CTNNA3: variants seen among roughly 807,000 people sequenced by gnomAD.
The protein encoded by CTNNA3 is catenin alpha-3.
CTNNA3 carries 76 observed loss-of-function variants against 95.7 expected under a neutral mutation model. The ratio of observed to expected loss-of-function variants is 0.79; its 90% CI spans 0.66 to 0.96. CTNNA3 has a LOEUF of 0.96. Among genes scored for constraint, CTNNA3 ranks in the 40% least tolerant of loss-of-function variants. CTNNA3 has a pLI of 0.00. For missense variants in CTNNA3, 1,191 were observed against 1,089.8 expected (o/e 1.09, Z -1.31); for synonymous variants, 431 against 374.4 (o/e 1.15, Z -1.74).
At position 66,072,486 on chromosome 10, in the gene CTNNA3, C is replaced by T. The variant is rs181654792; in HGVS notation, c.1978-2997G>A. Among the ~76,000 whole-genome samples, 388 of 150,668 alleles carry T rather than the reference C, an allele frequency of 2.6e-3. 6 individuals carry two copies. The highest frequency in any genetic ancestry group is 9.1e-3 in the African/African-American group (375 of 41,334). On this transcript the variant is annotated intron_variant, in intron 14 of 17. Transcript: ENST00000433211. The stretch of plus-strand genomic sequence containing the variant: ...TTAAGGCAGAGTCTTGCTCTGTCAC[C>T]CAGGCTGGAGTGCAGTGGCATGATC...
Position 66,111,171 on chromosome 10 carries a change from T to C in CTNNA3, c.1885-7922A>G, listed in dbSNP as rs185141504. On this transcript the variant is annotated intron_variant, in intron 13 of 17. Coordinates refer to ENST00000433211, the MANE Select transcript of CTNNA3 (RefSeq NM_013266.4). ...GATTTCCTCCTTGCTCTTCTCATGA[T>C]AGTGAGTGAGTTTCCATGAGATCTA... 7.9e-5 allele frequency among the ~76,000 whole-genome samples: 12 copies of C among 152,258 alleles called. 1 individual carries two copies. Among genetic ancestry groups the C allele is most frequent in the East Asian group, 3.9e-4 (2 of 5,162 alleles).
intron 13 of CTNNA3, among the ~76,000 whole-genome samples, chr10:66,176,825 C>T (rs1295443320): frequency 3.9e-5 from 6 of 152,028 alleles, no homozygotes; most frequent in Non-Finnish European, 8.8e-5. Flanking sequence ...ATAAGCTACA[C>T]GGTTTATGGC....
chr10:66,515,248 T>A (rs1412551481), intron 11 of CTNNA3, among the ~76,000 whole-genome samples: 1 of 149,334 alleles, frequency 6.7e-6, no homozygotes, highest in Non-Finnish European at 1.5e-5. Flanking sequence ...GAAATCTGTT[T>A]TGGACCCTTA....
chr10:67,238,163 A>G (rs768549988), intron 5 of CTNNA3, among the ~76,000 whole-genome samples: 96 of 152,184 alleles, frequency 6.3e-4, no homozygotes, highest in Non-Finnish European at 1.2e-3. Flanking sequence ...TCAGCACAAG[A>G]TCCAAATGAA....
intron 7 of CTNNA3, among the ~76,000 whole-genome samples, chr10:66,788,722 T>TA (rs369267875): frequency 1.6e-3 from 243 of 148,744 alleles, no homozygotes; most frequent in African/African-American, 5.1e-3. Context: ...CATTACAGGT[T>TA]AAAAAAAAAA....
chr10:66,370,730 G>A (rs1208154651), intron 12 of CTNNA3, among the ~76,000 whole-genome samples: 5 of 152,024 alleles, frequency 3.3e-5, no homozygotes, highest in Non-Finnish European at 5.9e-5. Flanking sequence ...TTTTTTGAGA[G>A]ACAGGGTCTC....
rs1243329899 is a variant in CTNNA3, at chr10:66,957,338, A to T, written c.1048-181814T>A. Among the ~76,000 whole-genome samples the T allele has an allele frequency of 4.0e-5, 6 of 150,372 alleles. No homozygotes were observed. In the Admixed American group the frequency reaches 4.0e-4, roughly 10 times the overall value. On this transcript the variant is annotated intron_variant, in intron 7 of 17. Coordinates refer to ENST00000433211, the MANE Select transcript of CTNNA3 (RefSeq NM_013266.4). ...TTATTCCACAGTAGAAATGAGAGACAAGTAAAAAATACTTTAGAAGAAATA... is the reference window on the plus strand; with the variant it reads ...TTATTCCACAGTAGAAATGAGAGACTAGTAAAAAATACTTTAGAAGAAATA...
At chr10:66,005,576 C>T (rs2078862123) in intron 15 of CTNNA3, among the ~76,000 whole-genome samples, 1 of 152,026 alleles carries the variant, frequency 6.6e-6, no homozygotes, top group Admixed American at 6.6e-5. Flanking sequence ...CCAGAATTAC[C>T]TGGGAAGACA....
chr10:67,695,974 C>T (rs1005527644), intron 1 of CTNNA3, 26 bp downstream of exon 1: 3 of 152,108 alleles, frequency 2.0e-5, no homozygotes, highest in Non-Finnish European at 2.9e-5. Context: ...AAGTTCAGCT[C>T]TTCTCTTTAC....
At chr10:67,169,618 C>G (rs529526736) in intron 7 of CTNNA3, among the ~76,000 whole-genome samples, 24 of 152,084 alleles carry the variant, frequency 1.6e-4, no homozygotes, top group Non-Finnish European at 2.8e-4. Context: ...ACACCATATA[C>G]AAAAATCAAG....
chr10:66,159,619 G>GT (rs1284826061), intron 13 of CTNNA3, among the ~76,000 whole-genome samples: 1 of 114,838 alleles, frequency 8.7e-6, no homozygotes, highest in Non-Finnish European at 1.9e-5. Context: ...TTAGTTTTTT[G>GT]TTTTCTGTTT....
intron 11 of CTNNA3, among the ~76,000 whole-genome samples, chr10:66,415,999 A>G (rs2093142849): frequency 6.6e-6 from 1 of 152,220 alleles, no homozygotes. Context: ...TAAAAATTCA[A>G]TTATTGATTC....
At chr10:66,772,963 C>G (rs1361701239) in intron 8 of CTNNA3, among the ~76,000 whole-genome samples, 2 of 152,150 alleles carry the variant, frequency 1.3e-5, no homozygotes, top group African/African-American at 4.8e-5. Context: ...AAGGGCAGTG[C>G]TTTCTCTTTC....
chr10:66,052,857 GAA>G (rs1236004175), intron 15 of CTNNA3, among the ~76,000 whole-genome samples: 2 of 152,022 alleles, frequency 1.3e-5, no homozygotes. Flanking sequence ...AGTTTGGAGA[GAA>G]TGACAAAATC....
chr10:66,464,575 C>T (rs1012944925), intron 11 of CTNNA3, among the ~76,000 whole-genome samples: 1 of 151,972 alleles, frequency 6.6e-6, no homozygotes, highest in Admixed American at 6.6e-5. Context: ...CCAGCCTGGC[C>T]AACATGGTGA....
At chr10:66,479,950 T>TCACACACACACACACA (rs71466882) in intron 11 of CTNNA3, among the ~76,000 whole-genome samples, 1,961 of 145,384 alleles carry the variant, frequency 0.013, 17 homozygotes, top group East Asian at 0.016. Flanking sequence ...ACCAAAGCAT[T>TCACACACACACACACA]CACACACACA....
In CTNNA3 at chr10:66,692,333, G is replaced by A. The variant is rs978797132; in HGVS notation, c.1282-70549C>T. Among the ~76,000 whole-genome samples, 22 of 152,114 alleles carry A rather than the reference G, an allele frequency of 1.4e-4. 1 individual carries two copies. The highest frequency in any genetic ancestry group is 1.9e-4 in the East Asian group (1 of 5,186). On this transcript the variant is annotated intron_variant, in intron 9 of 17. Transcript: ENST00000433211. ...TGAAGAATGCAGAAGCCTCAGAGCC[G>A]ATGTGATCAACTGGAAGAAAGGGTA...
chr10:66,342,354 G>GA (rs1037797501), intron 12 of CTNNA3, among the ~76,000 whole-genome samples: 41 of 152,074 alleles, frequency 2.7e-4, no homozygotes, highest in Middle Eastern at 6.8e-3. Context: ...TTGAGGACAT[G>GA]AAAAATACAT....
chr10:66,618,130 A>G (rs1844593726), intron 10 of CTNNA3, among the ~76,000 whole-genome samples: 1 of 152,152 alleles, frequency 6.6e-6, no homozygotes, highest in Admixed American at 6.5e-5. Context: ...AAAATGGCAT[A>G]CTGCCCAAGG....
Sources: allele counts gnomAD v4.1 joint callset (sites outside exome capture counted in the v4.1 genomes callset), GRCh38; gene constraint gnomAD v4.1.1; transcripts MANE v1.5; gene names NCBI Gene and HGNC (gene_info 2026-07-23, HGNC 2026-07-21).